Variants in ARFGEF2 observed in about 807,000 individuals in gnomAD.
ARFGEF2 encodes the protein brefeldin A-inhibited guanine nucleotide-exchange protein 2.
A neutral mutation model predicts 219.9 loss-of-function variants in ARFGEF2; 74 were observed. The observed-to-expected ratio is 0.34, with a 90% CI of 0.28 to 0.41. The LOEUF is 0.41. ARFGEF2 is among the 10% of genes least tolerant of loss of function. The probability of loss-of-function intolerance (pLI) is 1.00; values close to 1 mark genes in which losing one functional copy is unlikely to be tolerated. For synonymous variants in ARFGEF2, 733 were observed against 799.2 expected (o/e 0.92, Z 1.40); for missense variants, 1,743 against 2,218.3 (o/e 0.79, Z 4.30).
chr20:48,995,929 T>TGGCC, intron 23 of ARFGEF2, 47 bp downstream of exon 23: 1 of 1,530,588 alleles, frequency 6.5e-7, no homozygotes, highest in South Asian at 1.1e-5. Context: ...AGTGGTTTGG[T>TGGCC]GGCCTCTCTG....
chr20:49,022,431 A>ACAACAACAAC (rs61496448), intron 34 of ARFGEF2, among the ~76,000 whole-genome samples: 2 of 148,260 alleles, frequency 1.3e-5, no homozygotes, highest in Non-Finnish European at 3.0e-5. Flanking sequence ...AACAACAACA[A>ACAACAACAAC]AAAAAAAAAA....
intron 1 of ARFGEF2, among the ~76,000 whole-genome samples, chr20:48,924,789 A>G (rs995981413): frequency 1.3e-5 from 2 of 152,150 alleles, no homozygotes. Flanking sequence ...GGGACCCTAG[A>G]CTTCTGTGTT....
intron 1 of ARFGEF2, among the ~76,000 whole-genome samples, chr20:48,936,212 C>T (rs2090954411): frequency 1.4e-5 from 2 of 141,810 alleles, no homozygotes; most frequent in Admixed American, 6.9e-5. Flanking sequence ...GCAGAGGCGC[C>T]CCTCACCTCC....
At chr20:48,984,696 A>G in intron 14 of ARFGEF2, 33 bp from the exon 15 acceptor site, 1 of 1,613,942 alleles carries the variant, frequency 6.2e-7, no homozygotes, top group East Asian at 2.2e-5. Flanking sequence ...ATTTTGAAAT[A>G]AGCAACTTGT....
intron 7 of ARFGEF2, among the ~76,000 whole-genome samples, chr20:48,965,321 T>TTA (rs2091180689): frequency 6.6e-6 from 1 of 152,238 alleles, no homozygotes; most frequent in African/African-American, 2.4e-5. Flanking sequence ...TAGAACCACA[T>TTA]TATAAATTTT....
In ARFGEF2 at chr20:48,943,607, G is replaced by C. The variant is rs560432649; in HGVS notation, c.276+1620G>C. Among the ~76,000 whole-genome samples the C allele has an allele frequency of 5.3e-5, 8 of 152,200 alleles. No homozygotes were observed. In the East Asian group the frequency reaches 1.5e-3, roughly 29 times the overall value. ...TTATTTTGAGTCAGGGTCTCACTCTGTTGCCCAGGCTGTAGTGCAGTGCCT... is the reference window on the plus strand; with the variant it reads ...TTATTTTGAGTCAGGGTCTCACTCTCTTGCCCAGGCTGTAGTGCAGTGCCT... On this transcript the variant is annotated intron_variant, in intron 3 of 38. Transcript: ENST00000371917.
intron 16 of ARFGEF2, among the ~76,000 whole-genome samples, chr20:48,987,819 G>A (rs919437136): frequency 3.5e-4 from 53 of 152,170 alleles, no homozygotes; most frequent in African/African-American, 4.8e-4. Flanking sequence ...AGACAGTCTC[G>A]CTCTGTCACC....
intron 1 of ARFGEF2, among the ~76,000 whole-genome samples, chr20:48,929,057 A>T (rs935107946): frequency 6.6e-6 from 1 of 152,248 alleles, no homozygotes; most frequent in African/African-American, 2.4e-5. Flanking sequence ...GGAGTGTCCT[A>T]TATAAATAGC....
chr20:48,941,263 G>T, intron 2 of ARFGEF2, 34 bp downstream of exon 2: 1 of 1,608,084 alleles, frequency 6.2e-7, no homozygotes, highest in South Asian at 1.1e-5. Context: ...GCTGAGATAC[G>T]GCATGAAGGG....
At chr20:49,008,471 G>A in intron 26 of ARFGEF2, among the ~76,000 whole-genome samples, 1 of 151,782 alleles carries the variant, frequency 6.6e-6, no homozygotes, top group Non-Finnish European at 1.5e-5. Flanking sequence ...GCTGAGGTAG[G>A]AGAATCACTT....
Position 48,971,370 on chromosome 20 carries a change from T to G in ARFGEF2, c.1425+16T>G. ...GCAGATAGAGGTACGGATTCCAAAG[T>G]TTTTTCATTTCATTATTTACTATTA... On this transcript the variant is annotated intron_variant, in intron 10 of 38. Transcript: ENST00000371917. 6.3e-7 allele frequency: 1 copy of G among 1,576,428 alleles called. No individual in the cohort carries two copies. Among genetic ancestry groups the G allele is most frequent in the African/African-American group, 1.3e-5 (1 of 74,154 alleles).
rs370106283 is a variant in ARFGEF2, at chr20:48,969,283, C to T, written c.1190+6C>T. On this transcript the variant is annotated splice_donor_region_variant and intron_variant, in intron 9 of 38. Coordinates refer to ENST00000371917, the MANE Select transcript of ARFGEF2 (RefSeq NM_006420.3). Reference sequence around the variant, plus strand: ...GAAGGCCCTCCAGACCCAAAGTAAGCAGACAGCAGTTCTTGGCCACCTTCA... The same window carrying T: ...GAAGGCCCTCCAGACCCAAAGTAAGTAGACAGCAGTTCTTGGCCACCTTCA... 57 of 1,614,038 alleles carry T rather than the reference C, an allele frequency of 3.5e-5. No individual in the cohort carries two copies. Among genetic ancestry groups the T allele is most frequent in the Non-Finnish European group, 4.4e-5 (52 of 1,179,990 alleles).
intron 16 of ARFGEF2, among the ~76,000 whole-genome samples, chr20:48,986,725 G>C (rs527921675): frequency 8.3e-4 from 127 of 152,098 alleles, no homozygotes; most frequent in Middle Eastern, 3.4e-3. Flanking sequence ...TTTGAGACAG[G>C]GTCTTGCTCT....
chr20:48,953,607 C>T lies in ARFGEF2; in HGVS notation c.655C>T (p.Pro219Ser), dbSNP rs2091086030. The T allele has an allele frequency of 6.2e-7, 1 of 1,614,030 alleles. No individual in the cohort carries two copies. The highest frequency in any genetic ancestry group is 1.3e-5 in the African/African-American group (1 of 74,890). ...ACCAATCCAGTCAAAACCCCAGTCC[C>T]CTGTGATCCAAGCTGCAGCAGTATC... ...EKPIQSKPQS[P>S]VIQAAAVSPK... Residue 219 changes from proline to serine, a missense_variant, in exon 6 of 39, where the codon CCT (proline) becomes TCT (serine). Coordinates refer to ENST00000371917, the MANE Select transcript of ARFGEF2 (RefSeq NM_006420.3).
At chr20:48,955,119 A>G (rs2091098159) in intron 6 of ARFGEF2, among the ~76,000 whole-genome samples, 1 of 152,156 alleles carries the variant, frequency 6.6e-6, no homozygotes, top group Admixed American at 6.5e-5. Flanking sequence ...CCCTTTGGTA[A>G]TTCCCCATCC....
At position 48,988,674 on chromosome 20, in the gene ARFGEF2, T is replaced by C. The variant is rs377066357; in HGVS notation, c.2533+12T>C. ...ATCTACTAAGCAGAGTAAGGTCTAATGGCAAATTATTTCTTTTAGTTCTAA... is the reference window on the plus strand; with the variant it reads ...ATCTACTAAGCAGAGTAAGGTCTAACGGCAAATTATTTCTTTTAGTTCTAA... On this transcript the variant is annotated intron_variant, in intron 18 of 38. Transcript: ENST00000371917. 1 of 1,610,238 alleles carries C rather than the reference T, an allele frequency of 6.2e-7. No individual in the cohort carries two copies. The highest frequency in any genetic ancestry group is 2.2e-5 in the East Asian group (1 of 44,760).
chr20:49,034,330 T>C lies in ARFGEF2; in HGVS notation c.*1131T>C, dbSNP rs2091654523. 1 of 152,290 alleles carries C rather than the reference T, an allele frequency of 6.6e-6. No homozygotes were observed. The highest frequency in any genetic ancestry group is 2.4e-5 in the African/African-American group (1 of 41,470). The allele number at this position is 152,290 out of a possible 1,614,324, so 9.4% of individuals were successfully genotyped here. Reference sequence around the variant, plus strand: ...GGCATGTGCCCAGCACTTCCATTAATCTGAGCCTAGGAGTTGAATTCTTTG... The same window carrying C: ...GGCATGTGCCCAGCACTTCCATTAACCTGAGCCTAGGAGTTGAATTCTTTG... On this transcript the variant is annotated 3_prime_UTR_variant, in exon 39 of 39. Coordinates refer to ENST00000371917, the MANE Select transcript of ARFGEF2 (RefSeq NM_006420.3).
In ARFGEF2 at chr20:49,036,596, T is replaced by C. The variant is rs1050545743; in HGVS notation, c.*3397T>C. 1 of 188,646 alleles carries C rather than the reference T, an allele frequency of 5.3e-6. No individual in the cohort carries two copies. The highest frequency in any genetic ancestry group is 2.3e-5 in the African/African-American group (1 of 43,072). 11.7% of individuals were successfully genotyped at this position (188,646 alleles called of 1,614,324 possible). A position where few individuals can be genotyped will look rare whatever the true frequency, so the allele number is the denominator to read the frequency against. On this transcript the variant is annotated 3_prime_UTR_variant, in exon 39 of 39. Transcript: ENST00000371917. The stretch of plus-strand genomic sequence containing the variant: ...ATAAGCAGAATTATATAATATGAAA[T>C]GCTATGTAAAGTTTTCTATGTAAAA...
chr20:48,922,087 C>T (rs2090845285), intron 1 of ARFGEF2, 77 bp downstream of exon 1: 2 of 1,509,956 alleles, frequency 1.3e-6, no homozygotes, highest in Admixed American at 2.1e-5. Flanking sequence ...CGGCCTTGGC[C>T]CGGCCTCCTG....
Sources: allele counts gnomAD v4.1 joint callset (sites outside exome capture counted in the v4.1 genomes callset), GRCh38; gene constraint gnomAD v4.1.1; transcripts MANE v1.5; gene names NCBI Gene and HGNC (gene_info 2026-07-23, HGNC 2026-07-21).